Variants in FOXN3 observed in about 807,000 individuals in gnomAD.
FOXN3 encodes forkhead box protein N3.
A neutral mutation model predicts 38.4 loss-of-function variants in FOXN3; 7 were observed. That is an observed-to-expected ratio of 0.18 (90% CI 0.10 to 0.34). FOXN3 has a LOEUF of 0.34. FOXN3 is among the 10% of genes least tolerant of loss of function. The pLI, the probability that FOXN3 is intolerant of heterozygous loss-of-function variation, is 1.00. For missense variants in FOXN3, 456 were observed against 613.4 expected (o/e 0.74, Z 2.71); for synonymous variants, 230 against 242.2 (o/e 0.95, Z 0.47).
intron 1 of FOXN3, among the ~76,000 whole-genome samples, chr14:89,524,052 C>T (rs1255496927): frequency 1.3e-5 from 2 of 150,104 alleles, no homozygotes; most frequent in Non-Finnish European, 3.0e-5. Context: ...TGAGCCACCA[C>T]GCCTAGCCAA....
chr14:89,451,658 C>T (rs922331348), intron 1 of FOXN3, among the ~76,000 whole-genome samples: 6 of 152,222 alleles, frequency 3.9e-5, no homozygotes, highest in Non-Finnish European at 8.8e-5. Context: ...GTGACAGCCC[C>T]GCAAGTTTAA....
intron 1 of FOXN3, among the ~76,000 whole-genome samples, chr14:89,533,276 T>C (rs879740335): frequency 5.9e-5 from 9 of 152,154 alleles, no homozygotes; most frequent in Non-Finnish European, 1.0e-4. Context: ...TAAGAAAACA[T>C]GAATGCCAGC....
intron 4 of FOXN3, among the ~76,000 whole-genome samples, chr14:89,242,528 A>G (rs1885170591): frequency 6.6e-6 from 1 of 152,210 alleles, no homozygotes; most frequent in Non-Finnish European, 1.5e-5. Flanking sequence ...TTACTCAAAC[A>G]GAAAGAGCTA....
At chr14:89,413,945 AG>A (rs1332284504) in intron 1 of FOXN3, among the ~76,000 whole-genome samples, 1 of 93,852 alleles carries the variant, frequency 1.1e-5, no homozygotes, top group Non-Finnish European at 2.1e-5. Flanking sequence ...GGGGAGGAGA[AG>A]GGGGAGGAGG....
chr14:89,416,135 G>GCGCA (rs1258282590), intron 1 of FOXN3, among the ~76,000 whole-genome samples: 3 of 152,042 alleles, frequency 2.0e-5, no homozygotes, highest in East Asian at 1.9e-4. Context: ...ACGCGCGCGC[G>GCGCA]CGCACGCACG....
chr14:89,603,742 T>C (rs1440258003), intron 1 of FOXN3, among the ~76,000 whole-genome samples: 1 of 152,136 alleles, frequency 6.6e-6, no homozygotes, highest in Non-Finnish European at 1.5e-5. Flanking sequence ...ATAAGGCACA[T>C]TCAGAACAGA....
At chr14:89,316,876 G>C (rs1887734667) in intron 3 of FOXN3, among the ~76,000 whole-genome samples, 1 of 151,572 alleles carries the variant, frequency 6.6e-6, no homozygotes, top group South Asian at 2.1e-4. Flanking sequence ...TGTTGGCCAA[G>C]CTGGTTTTGA....
chr14:89,309,470 TG>T (rs933648978), intron 3 of FOXN3, among the ~76,000 whole-genome samples: 1 of 151,788 alleles, frequency 6.6e-6, no homozygotes, highest in African/African-American at 2.4e-5. Flanking sequence ...AACAAGAAAA[TG>T]GGGGAAGCAG....
chr14:89,382,165 T>C (rs932738933), intron 2 of FOXN3, among the ~76,000 whole-genome samples: 2 of 152,132 alleles, frequency 1.3e-5, no homozygotes, highest in Admixed American at 1.3e-4. Flanking sequence ...GCCTACCCTA[T>C]GACCCCCACA....
At chr14:89,479,657 G>C (rs930111236) in intron 1 of FOXN3, among the ~76,000 whole-genome samples, 5 of 152,218 alleles carry the variant, frequency 3.3e-5, no homozygotes, top group Non-Finnish European at 7.4e-5. Context: ...AACCAAGTGG[G>C]ATAGCACAAA....
chr14:89,413,991 A>G (rs1006723450), intron 1 of FOXN3, among the ~76,000 whole-genome samples: 9 of 148,254 alleles, frequency 6.1e-5, no homozygotes, highest in Non-Finnish European at 1.0e-4. Context: ...GGAGGAGAAG[A>G]AGGAGGAGGG....
chr14:89,325,959 G>A (rs929156621), intron 3 of FOXN3, among the ~76,000 whole-genome samples: 3 of 152,202 alleles, frequency 2.0e-5, no homozygotes, highest in Admixed American at 1.3e-4. Context: ...CTCCATCTAA[G>A]ACATTAATCA....
chr14:89,417,316 G>C (rs1891772494), upstream of FOXN3: 1 of 147,838 alleles, frequency 6.8e-6, no homozygotes, highest in South Asian at 2.1e-4. Flanking sequence ...GCCGGAGAAA[G>C]GGAAAACGTG....
chr14:89,362,823 C>G (rs1306598821), intron 2 of FOXN3, among the ~76,000 whole-genome samples: 1 of 143,320 alleles, frequency 7.0e-6, no homozygotes, highest in Non-Finnish European at 1.5e-5. Context: ...CCACCACCAC[C>G]AGGCCAGAAT....
chr14:89,228,075 G>A (rs1035643731), intron 4 of FOXN3, among the ~76,000 whole-genome samples: 2 of 152,194 alleles, frequency 1.3e-5, no homozygotes, highest in Non-Finnish European at 2.9e-5. Flanking sequence ...AGCCTGGGGA[G>A]ACATTAAGCA....
At chr14:89,269,011 A>C (rs1886067054) in intron 4 of FOXN3, among the ~76,000 whole-genome samples, 1 of 152,246 alleles carries the variant, frequency 6.6e-6, no homozygotes, top group Non-Finnish European at 1.5e-5. Flanking sequence ...TCAGCACACA[A>C]TCGACCTTTA....
intron 1 of FOXN3, among the ~76,000 whole-genome samples, chr14:89,526,569 C>CT (rs1184057956): frequency 6.6e-6 from 1 of 152,044 alleles, no homozygotes; most frequent in Admixed American, 6.5e-5. Context: ...GACCCGTATG[C>CT]TAAAAAGTAC....
chr14:89,437,804 T>C (rs1892302031), intron 1 of FOXN3, among the ~76,000 whole-genome samples: 2 of 152,226 alleles, frequency 1.3e-5, no homozygotes, highest in Admixed American at 6.5e-5. Flanking sequence ...TTCACATTAC[T>C]GTAGGAACCC....
intron 2 of FOXN3, among the ~76,000 whole-genome samples, chr14:89,378,933 T>C (rs144148405): frequency 0.014 from 2,124 of 152,240 alleles, 63 homozygotes; most frequent in African/African-American, 0.049. Context: ...TCTCAATCCC[T>C]GGACCTCAAG....
Sources: allele counts gnomAD v4.1 joint callset (sites outside exome capture counted in the v4.1 genomes callset), GRCh38; gene constraint gnomAD v4.1.1; transcripts MANE v1.5; gene names NCBI Gene and HGNC (gene_info 2026-07-23, HGNC 2026-07-21).